Variants in MPP4 observed in about 807,000 individuals in gnomAD.
MPP4 encodes the protein MAGUK p55 subfamily member 4.
Under a neutral mutation model 98.3 loss-of-function variants are expected in MPP4, and 91 were observed. The observed-to-expected ratio is 0.93, with a 90% CI of 0.78 to 1.10. The LOEUF (loss-of-function observed/expected upper bound fraction) is 1.10, where lower values mean the gene tolerates loss of function less well. Among genes scored for constraint, MPP4 ranks in the 50% least tolerant of loss-of-function variants. The pLI is 0.00. For synonymous variants in MPP4, 261 were observed against 271.8 expected, an observed-to-expected ratio of 0.96 and a Z score of 0.39; for missense variants, 744 against 792.9, an observed-to-expected ratio of 0.94 and a Z score of 0.74.
intron 2 of MPP4, among the ~76,000 whole-genome samples, chr2:201,693,284 CTGAG>C (rs1291425190): frequency 6.6e-6 from 1 of 152,100 alleles, no homozygotes. Context: ...GTTCTTAACA[CTGAG>C]TAAAATAATA....
At chr2:201,689,066 A>C (rs1275330669) in intron 4 of MPP4, among the ~76,000 whole-genome samples, 3 of 152,050 alleles carry the variant, frequency 2.0e-5, no homozygotes, top group African/African-American at 4.8e-5. Context: ...GGTGGCTCAC[A>C]CCTGTAATCC....
intron 7 of MPP4, among the ~76,000 whole-genome samples, chr2:201,684,794 C>CA (rs1252819155): frequency 1.3e-5 from 2 of 151,328 alleles, no homozygotes; most frequent in Non-Finnish European, 2.9e-5. Flanking sequence ...ACTAAAAATA[C>CA]AAAAAATTAG....
At chr2:201,658,715 G>A (rs1191059991) in intron 15 of MPP4, among the ~76,000 whole-genome samples, 197 bp from the exon 16 acceptor site, 2 of 152,034 alleles carry the variant, frequency 1.3e-5, no homozygotes, top group African/African-American at 2.4e-5. Flanking sequence ...CTATAGGGAC[G>A]CACTTCACAG....
intron 12 of MPP4, among the ~76,000 whole-genome samples, chr2:201,669,383 A>G (rs12693945): frequency 0.25 from 37,899 of 152,012 alleles, 4,962 homozygotes; most frequent in East Asian, 0.47. Flanking sequence ...ATATGTATAA[A>G]GCAGTTGAAA....
chr2:201,684,085 T>C (rs1450243408), intron 7 of MPP4, among the ~76,000 whole-genome samples: 1 of 151,386 alleles, frequency 6.6e-6, no homozygotes, highest in East Asian at 1.9e-4. Flanking sequence ...CTGGGCATGG[T>C]AGTGTGCACC....
rs376026596 is a variant in MPP4 at position 201,658,572 on chromosome 2, A to G, written c.1088-54T>C. The G allele has an allele frequency of 5.9e-6, 9 of 1,512,784 alleles. No individual in the cohort carries two copies. In the African/African-American group the frequency reaches 1.3e-4, roughly 21 times the overall value. The allele number at this position is 1,512,784 out of a possible 1,614,324, so 93.7% of individuals were successfully genotyped here. A position where few individuals can be genotyped will look rare whatever the true frequency, so the allele number is the denominator to read the frequency against. On this transcript the variant is annotated intron_variant, in intron 15 of 21. Coordinates refer to ENST00000409474, the MANE Select transcript of MPP4 (RefSeq NM_033066.3). ...ATATGTGAGAGCGAGAAGTTTATTC[A>G]GAATAAATTCATGAAATCATTTTCA...
chr2:201,692,649 G>T (rs1689069477), intron 3 of MPP4, among the ~76,000 whole-genome samples: 3 of 152,042 alleles, frequency 2.0e-5, no homozygotes, highest in Non-Finnish European at 4.4e-5. Flanking sequence ...GACCCCAAGA[G>T]AGCTGGCTAG....
chr2:201,683,040 T>C (rs1688708015), intron 7 of MPP4, 124 bp from the exon 8 acceptor site: 1 of 644,214 alleles, frequency 1.6e-6, no homozygotes, highest in African/African-American at 1.8e-5. Flanking sequence ...TAATATAAAA[T>C]AATAATAGAA....
At chr2:201,689,996 C>T (rs544684138) in intron 4 of MPP4, among the ~76,000 whole-genome samples, 3 of 152,202 alleles carry the variant, frequency 2.0e-5, no homozygotes, top group South Asian at 4.2e-4. Flanking sequence ...CTAAAAATGA[C>T]GTGGGTGGTG....
rs551084638 is a variant in MPP4, at chr2:201,690,274, A to G, written c.207T>C (p.Tyr69=). 1 of 1,600,662 alleles carries G rather than the reference A, an allele frequency of 6.2e-7. No homozygotes were observed. The highest frequency in any genetic ancestry group is 1.3e-5 in the African/African-American group (1 of 74,880). Residue 69 remains tyrosine (Y), a synonymous_variant, in exon 4 of 22, where the codon TAT becomes TAC. Coordinates refer to ENST00000409474, the MANE Select transcript of MPP4 (RefSeq NM_033066.3). The part of the protein sequence containing the change: ...SPWLQALLKI[Y]DCLQEFKEKK... ...TTTCTTTAAATTCCTGGAGGCAGTC[A>G]TAAATCTGCAGAAGGACAAGGGAGG...
At chr2:201,685,353 C>T (rs576895432) in intron 6 of MPP4, among the ~76,000 whole-genome samples, 4 of 151,964 alleles carry the variant, frequency 2.6e-5, no homozygotes, top group East Asian at 1.9e-4. Flanking sequence ...CAACCAGGGA[C>T]GGAGGGGCCA....
At chr2:201,648,137 C>T (rs146570923) in intron 20 of MPP4, among the ~76,000 whole-genome samples, 98 of 152,338 alleles carry the variant, frequency 6.4e-4, no homozygotes, top group African/African-American at 2.0e-3. Context: ...ATTCTTGTGC[C>T]TCAGCCTCTC....
chr2:201,664,432 G>A (rs1251332108), intron 13 of MPP4: 1 of 1,176,358 alleles, frequency 8.5e-7, no homozygotes, highest in African/African-American at 1.6e-5. Flanking sequence ...AATCCCTAGA[G>A]ACTGTTGGAT....
chr2:201,689,422 T>A (rs1206540573), intron 4 of MPP4, among the ~76,000 whole-genome samples: 1 of 152,148 alleles, frequency 6.6e-6, no homozygotes, highest in African/African-American at 2.4e-5. Flanking sequence ...GTGACATGAT[T>A]TGACTTGCTT....
At chr2:201,657,948 C>A (rs749019086) in intron 16 of MPP4, among the ~76,000 whole-genome samples, 1 of 151,734 alleles carries the variant, frequency 6.6e-6, no homozygotes, top group Non-Finnish European at 1.5e-5. Flanking sequence ...AGAAAGGTGG[C>A]CCCTTGTTTT....
chr2:201,667,538 A>G (rs940525665), intron 12 of MPP4, among the ~76,000 whole-genome samples: 2 of 152,228 alleles, frequency 1.3e-5, no homozygotes, highest in African/African-American at 4.8e-5. Context: ...GCAAATGATA[A>G]ATTATTTCTT....
At chr2:201,667,339 A>G (rs547153999) in intron 12 of MPP4, among the ~76,000 whole-genome samples, 26 of 152,256 alleles carry the variant, frequency 1.7e-4, no homozygotes, top group Non-Finnish European at 3.4e-4. Flanking sequence ...CCAAACACTG[A>G]TCAGAATGAA....
intron 12 of MPP4, 47 bp from the exon 13 acceptor site, chr2:201,666,419 G>T (rs1217200902): frequency 7.0e-7 from 1 of 1,431,404 alleles, no homozygotes; most frequent in Non-Finnish European, 9.4e-7. Context: ...AAATGTGTCT[G>T]CATTAAAAAG....
At chr2:201,671,368 C>T (rs1172810844) in intron 11 of MPP4, among the ~76,000 whole-genome samples, 1 of 152,062 alleles carries the variant, frequency 6.6e-6, no homozygotes, top group Non-Finnish European at 1.5e-5. Context: ...CTGGGACACT[C>T]CAGCTTTGAC....
Sources: gnomAD v4.1 joint callset for allele counts (sites outside exome capture counted in the v4.1 genomes callset) on GRCh38, gnomAD v4.1.1 for gene constraint, MANE v1.5 for transcripts, NCBI Gene and HGNC (gene_info 2026-07-23, HGNC 2026-07-21) for gene names.